PIGN: variants seen among roughly 807,000 people sequenced by gnomAD.
The protein encoded by PIGN is GPI ethanolamine phosphate transferase 1.
PIGN carries 117 observed loss-of-function variants against 125.4 expected under a neutral mutation model. The observed-to-expected ratio is 0.93, with a 90% confidence interval of 0.80 to 1.09. The LOEUF (loss-of-function observed/expected upper bound fraction) is 1.09, where lower values mean the gene tolerates loss of function less well. PIGN is among the 50% of genes least tolerant of loss of function. The pLI is 0.00. For missense variants in PIGN, 1,075 were observed against 1,094.9 expected (o/e 0.98, Z 0.26); for synonymous variants, 392 against 377.8 (o/e 1.04, Z -0.44).
chr18:62,102,489 AAAT>A (rs2034484567), intron 21 of PIGN, among the ~76,000 whole-genome samples: 1 of 148,018 alleles, frequency 6.8e-6, no homozygotes, highest in African/African-American at 2.5e-5. Context: ...TCCCTGACCC[AAAT>A]GAGGACAATG....
chr18:62,110,715 A>G (rs2034841778), intron 16 of PIGN, among the ~76,000 whole-genome samples: 1 of 152,022 alleles, frequency 6.6e-6, no homozygotes, highest in Non-Finnish European at 1.5e-5. Flanking sequence ...CTGACCTGTG[A>G]ATTTAGGACT....
chr18:62,145,928 A>G lies in PIGN; in HGVS notation c.903T>C (p.Phe301=), dbSNP rs2036310840. 6.3e-7 allele frequency: 1 copy of G among 1,582,352 alleles called. No individual in the cohort carries two copies. The highest frequency in any genetic ancestry group is 1.3e-5 in the African/African-American group (1 of 74,442). Residue 301 remains phenylalanine, a synonymous_variant, in exon 10 of 31, where the codon TTT becomes TTC. Transcript: ENST00000640252. ...KYPQRVSAQQ[F]DDAFLKEWRL... The stretch of plus-strand genomic sequence containing the variant: ...TTGTACCTTTCAAAAATGCATCATC[A>G]AATTGCTGAGCTGATACTCTTTGGG...
At chr18:62,074,887 T>C in intron 28 of PIGN, 66 bp from the exon 29 acceptor site, 1 of 1,125,380 alleles carries the variant, frequency 8.9e-7, no homozygotes, top group East Asian at 2.5e-5. Context: ...CTCATTAAAA[T>C]CCAAGTGAGA....
At chr18:62,168,340 C>T (rs1230450870) in intron 1 of PIGN, among the ~76,000 whole-genome samples, 1 of 152,116 alleles carries the variant, frequency 6.6e-6, no homozygotes, top group Non-Finnish European at 1.5e-5. Flanking sequence ...AACAAAGTTA[C>T]GAGAATGGTA....
In PIGN at chr18:62,180,659, C is replaced by T. The variant is rs527903539; in HGVS notation, c.-236+6185G>A. On this transcript the variant is annotated intron_variant, in intron 1 of 30. Coordinates refer to ENST00000640252, the MANE Select transcript of PIGN (RefSeq NM_176787.5). Reference sequence around the variant, plus strand: ...TCTCTCTTCCTTTCAACTGCCTATTCATATCCTTTGATCAGATAGGATTAG... The same window carrying T: ...TCTCTCTTCCTTTCAACTGCCTATTTATATCCTTTGATCAGATAGGATTAG... Among the ~76,000 whole-genome samples, 5 of 152,192 alleles carry T rather than the reference C, an allele frequency of 3.3e-5. No homozygotes were observed. In the South Asian group the frequency reaches 1.0e-3, roughly 32 times the overall value.
chr18:62,095,752 A>AT (rs756040653), intron 23 of PIGN, 96 bp downstream of exon 23: 2 of 706,088 alleles, frequency 2.8e-6, no homozygotes, highest in Non-Finnish European at 4.9e-6. Flanking sequence ...TTTAGAAAAC[A>AT]TTTTTTATTT....
chr18:62,086,615 T>TG (rs1199802668), intron 25 of PIGN, among the ~76,000 whole-genome samples: 1 of 104,660 alleles, frequency 9.6e-6, no homozygotes, highest in Non-Finnish European at 1.9e-5. Flanking sequence ...GACTCCGTTT[T>TG]TTGTTTTTTT....
At chr18:62,122,381 C>T (rs369392682) in intron 14 of PIGN, among the ~76,000 whole-genome samples, 1 of 151,934 alleles carries the variant, frequency 6.6e-6, no homozygotes, top group Non-Finnish European at 1.5e-5. Flanking sequence ...ACTTAACTTC[C>T]TTATATTATT....
intron 30 of PIGN, 35 bp downstream of exon 30, chr18:62,072,638 T>A: frequency 6.6e-7 from 1 of 1,510,058 alleles, no homozygotes; most frequent in Non-Finnish European, 9.1e-7. Flanking sequence ...AACTTATCCC[T>A]GTTGTTAAGC....
chr18:62,141,891 C>G (rs2036149571), intron 11 of PIGN, among the ~76,000 whole-genome samples: 1 of 152,188 alleles, frequency 6.6e-6, no homozygotes, highest in Non-Finnish European at 1.5e-5. Context: ...ACACCATGTA[C>G]CCTCTCACCA....
chr18:62,114,480 T>C, intron 15 of PIGN, 81 bp downstream of exon 15: 1 of 827,116 alleles, frequency 1.2e-6, no homozygotes, highest in Non-Finnish European at 2.0e-6. Context: ...CTCCCTGGCC[T>C]GCCTACTTTG....
At chr18:62,175,053 T>TAATATA in intron 1 of PIGN, among the ~76,000 whole-genome samples, 2 of 135,306 alleles carry the variant, frequency 1.5e-5, no homozygotes. Flanking sequence ...AAATATATAT[T>TAATATA]TTTATATATA....
chr18:62,183,453 T>C (rs17716559), intron 1 of PIGN, among the ~76,000 whole-genome samples: 26,095 of 152,226 alleles, frequency 0.17, 2,813 homozygotes, highest in Middle Eastern at 0.29. Flanking sequence ...ATAAGACCTT[T>C]GTAGGCTCAA....
chr18:62,134,663 C>T (rs1216965816), intron 14 of PIGN, among the ~76,000 whole-genome samples: 2 of 152,196 alleles, frequency 1.3e-5, no homozygotes, highest in Admixed American at 6.5e-5. Context: ...TATCACATGA[C>T]TATTTAAATA....
At chr18:62,085,381 G>T in intron 25 of PIGN, 117 bp from the exon 26 acceptor site, 1 of 711,600 alleles carries the variant, frequency 1.4e-6, no homozygotes, top group Admixed American at 2.6e-5. Flanking sequence ...CTTGTACCAT[G>T]AATTGTTTTC....
chr18:62,128,172 T>C (rs1367919399), intron 14 of PIGN, among the ~76,000 whole-genome samples: 1 of 152,182 alleles, frequency 6.6e-6, no homozygotes, highest in Non-Finnish European at 1.5e-5. Context: ...AAAATCACTA[T>C]ACTATTCATG....
intron 30 of PIGN, chr18:62,070,153 G>A (rs888567051): frequency 4.2e-5 from 15 of 359,544 alleles, no homozygotes; most frequent in South Asian, 3.0e-4. Flanking sequence ...CAAGAGAAAC[G>A]GGGGGCTTAG....
chr18:62,041,148 A>G (rs1345523700), downstream of PIGN: 1 of 152,174 alleles, frequency 6.6e-6, no homozygotes, highest in Non-Finnish European at 1.5e-5. Context: ...ACACTGTCAA[A>G]TCATAAGAAA....
At chr18:62,050,062 T>C (rs1207450712) in intron 30 of PIGN, among the ~76,000 whole-genome samples, 1 of 152,074 alleles carries the variant, frequency 6.6e-6, no homozygotes, top group Non-Finnish European at 1.5e-5. Flanking sequence ...GATCTATATC[T>C]CTGTTTTGGT....
Sources: allele counts gnomAD v4.1 joint callset (sites outside exome capture counted in the v4.1 genomes callset), GRCh38; gene constraint gnomAD v4.1.1; transcripts MANE v1.5; gene names NCBI Gene and HGNC (gene_info 2026-07-23, HGNC 2026-07-21).